The following TGM6 variants were observed in gnomAD, a reference collection of about 807,000 sequenced individuals.
TGM6 encodes the protein transglutaminase 6.
In TGM6, 74 loss-of-function variants were observed where a neutral mutation model predicts 77.5. The ratio of observed to expected loss-of-function variants is 0.96; its 90% CI spans 0.79 to 1.16. The LOEUF (loss-of-function observed/expected upper bound fraction) is 1.16. TGM6 is among the 50% of genes most tolerant of loss of function. TGM6 has a pLI of 0.00. For synonymous variants in TGM6, 383 were observed against 378.9 expected, an observed-to-expected ratio of 1.01 and a Z score of -0.12; for missense variants, 968 against 940.2, an observed-to-expected ratio of 1.03 and a Z score of -0.39.
intron 1 of TGM6, among the ~76,000 whole-genome samples, chr20:2,382,936 C>T (rs927722008): frequency 1.3e-5 from 2 of 152,182 alleles, no homozygotes; most frequent in Non-Finnish European, 2.9e-5. Flanking sequence ...GATTAAATTA[C>T]AATCATCTTT....
In TGM6 at chr20:2,387,961, G is replaced by T. The variant is rs534353904; in HGVS notation, c.8-6491G>T. 3.9e-5 allele frequency among the ~76,000 whole-genome samples: 6 copies of T among 152,280 alleles called. No individual in the cohort carries two copies. In the South Asian group the frequency reaches 8.3e-4, roughly 21 times the overall value. On this transcript the variant is annotated intron_variant, in intron 1 of 12. Coordinates refer to ENST00000202625, the MANE Select transcript of TGM6 (RefSeq NM_198994.3). ...TCGTCTCCAGGTGAGATTCTCCGTGGGCCATTTGGGTTTCTTCATGGCATG... is the reference window on the plus strand; with the variant it reads ...TCGTCTCCAGGTGAGATTCTCCGTGTGCCATTTGGGTTTCTTCATGGCATG...
chr20:2,420,715 T>C (rs1427113107), intron 10 of TGM6, among the ~76,000 whole-genome samples: 1 of 152,250 alleles, frequency 6.6e-6, no homozygotes, highest in Non-Finnish European at 1.5e-5. Flanking sequence ...GCCTGTTTCA[T>C]GATGTCATCT....
intron 12 of TGM6, 98 bp downstream of exon 12, chr20:2,431,125 T>A: frequency 6.6e-7 from 1 of 1,524,220 alleles, no homozygotes; most frequent in Non-Finnish European, 8.9e-7. Context: ...AGAGAGATTC[T>A]GGACACCCCA....
At chr20:2,422,347 C>T (rs1258455185) in intron 10 of TGM6, among the ~76,000 whole-genome samples, 1 of 152,120 alleles carries the variant, frequency 6.6e-6, no homozygotes, top group Admixed American at 6.5e-5. Context: ...CATTGTATTT[C>T]CTTTGCTACT....
At chr20:2,381,025 G>T (rs754552301) in intron 1 of TGM6, 50 bp downstream of exon 1, 2 of 1,604,074 alleles carry the variant, frequency 1.2e-6, no homozygotes, top group Non-Finnish European at 1.7e-6. Context: ...CATGAGGGGG[G>T]CTTCAAGAAA....
chr20:2,413,790 A>C (rs1407072286), intron 9 of TGM6, among the ~76,000 whole-genome samples: 1 of 152,246 alleles, frequency 6.6e-6, no homozygotes, highest in African/African-American at 2.4e-5. Flanking sequence ...TAAAACTATA[A>C]AACTTTTGGA....
intron 4 of TGM6, among the ~76,000 whole-genome samples, chr20:2,397,402 T>C (rs1159934364): frequency 6.6e-6 from 1 of 152,112 alleles, no homozygotes; most frequent in Admixed American, 6.5e-5. Flanking sequence ...TTAAAGGCTT[T>C]GGGATTCGGG....
At chr20:2,382,551 G>A (rs2084563103) in intron 1 of TGM6, among the ~76,000 whole-genome samples, 1 of 152,216 alleles carries the variant, frequency 6.6e-6, no homozygotes, top group African/African-American at 2.4e-5. Context: ...CTGAAGCTCT[G>A]TTTCTCCGTC....
At chr20:2,401,246 G>A (rs1001051256) in intron 7 of TGM6, among the ~76,000 whole-genome samples, 4 of 151,980 alleles carry the variant, frequency 2.6e-5, no homozygotes, top group African/African-American at 9.7e-5. Context: ...TTAATTTTCT[G>A]AAATAGGAAA....
At chr20:2,400,024 T>C (rs1374855944) in intron 6 of TGM6, among the ~76,000 whole-genome samples, 1 of 152,152 alleles carries the variant, frequency 6.6e-6, no homozygotes, top group Non-Finnish European at 1.5e-5. Flanking sequence ...ATGAGGGCTC[T>C]ATTAGGTGGC....
intron 9 of TGM6, among the ~76,000 whole-genome samples, chr20:2,407,719 G>A (rs1599955963): frequency 6.6e-6 from 1 of 152,188 alleles, no homozygotes; most frequent in African/African-American, 2.4e-5. Flanking sequence ...TTCTAACGAG[G>A]CAGTCTACTC....
At chr20:2,413,261 T>A (rs1278176118) in intron 9 of TGM6, among the ~76,000 whole-genome samples, 3 of 152,072 alleles carry the variant, frequency 2.0e-5, no homozygotes, top group African/African-American at 7.2e-5. Flanking sequence ...CAAAAACTTT[T>A]AAAAATTAGC....
intron 10 of TGM6, 38 bp from the exon 11 acceptor site, chr20:2,430,408 C>T: frequency 6.2e-7 from 1 of 1,613,770 alleles, no homozygotes; most frequent in Non-Finnish European, 8.5e-7. Flanking sequence ...TGAAGAAAGA[C>T]ATCAAGCCCC....
intron 1 of TGM6, among the ~76,000 whole-genome samples, chr20:2,388,928 G>A (rs185505788): frequency 1.3e-5 from 2 of 152,284 alleles, no homozygotes; most frequent in African/African-American, 4.8e-5. Context: ...CTCAACTGTG[G>A]CAGATTATAT....
At chr20:2,391,845 C>T (rs6137868) in intron 1 of TGM6, among the ~76,000 whole-genome samples, 1 of 152,190 alleles carries the variant, frequency 6.6e-6, no homozygotes, top group African/African-American at 2.4e-5. Flanking sequence ...GGTCTGCCGA[C>T]TATGGGCCCC....
intron 10 of TGM6, among the ~76,000 whole-genome samples, chr20:2,420,515 ACT>A (rs2084848990): frequency 6.6e-6 from 1 of 152,198 alleles, no homozygotes. Context: ...ATTAGGGTTC[ACT>A]CTGTGTTGTG....
chr20:2,382,298 C>T (rs546343961), intron 1 of TGM6, among the ~76,000 whole-genome samples: 1 of 152,192 alleles, frequency 6.6e-6, no homozygotes, highest in Non-Finnish European at 1.5e-5. Flanking sequence ...CACCAGCTCA[C>T]AGCCCAGACT....
intron 10 of TGM6, among the ~76,000 whole-genome samples, chr20:2,418,866 G>A (rs1318876289): frequency 6.6e-6 from 1 of 151,906 alleles, no homozygotes; most frequent in African/African-American, 2.4e-5. Flanking sequence ...CACGAGGTCA[G>A]GAGATCGAAA....
chr20:2,381,829 G>A (rs2084556911), intron 1 of TGM6, among the ~76,000 whole-genome samples: 1 of 152,156 alleles, frequency 6.6e-6, no homozygotes, highest in African/African-American at 2.4e-5. Flanking sequence ...GAGGTGAGAG[G>A]ATCGCTTGAG....
Sources: gnomAD v4.1 joint callset for allele counts (sites outside exome capture counted in the v4.1 genomes callset) on GRCh38, gnomAD v4.1.1 for gene constraint, MANE v1.5 for transcripts, NCBI Gene and HGNC (gene_info 2026-07-23, HGNC 2026-07-21) for gene names.